PCLO: variants seen among roughly 807,000 people sequenced by gnomAD.
The protein encoded by PCLO is protein piccolo.
Under a neutral mutation model 427.5 loss-of-function variants are expected in PCLO, and 82 were observed. The observed-to-expected ratio is 0.19, with a 90% confidence interval of 0.16 to 0.23. PCLO has a LOEUF of 0.23. Ranked by LOEUF, PCLO falls within the 10% of genes least tolerant of loss-of-function variation. The pLI is 1.00. For missense variants in PCLO, 6,239 were observed against 6,115.9 expected (o/e 1.02, Z -0.67); for synonymous variants, 2,357 against 2,155.4 (o/e 1.09, Z -2.59).
At chr7:83,144,213 G>A (rs1355550397) in intron 2 of PCLO, among the ~76,000 whole-genome samples, 1 of 152,146 alleles carries the variant, frequency 6.6e-6, no homozygotes, top group South Asian at 2.1e-4. Flanking sequence ...CCAGGGGTCA[G>A]GAGTTCAAGA....
At chr7:82,972,593 T>G (rs1795930090) in intron 3 of PCLO, among the ~76,000 whole-genome samples, 1 of 152,040 alleles carries the variant, frequency 6.6e-6, no homozygotes, top group African/African-American at 2.4e-5. Context: ...AAAATTAAAT[T>G]TCATTAAAGG....
At chr7:82,780,282 T>C (rs1393283536) in intron 22 of PCLO, among the ~76,000 whole-genome samples, 1 of 152,218 alleles carries the variant, frequency 6.6e-6, no homozygotes, top group African/African-American at 2.4e-5. Flanking sequence ...CAAAATACAA[T>C]TGCCATTAAA....
At chr7:82,983,933 A>T (rs1796202648) in intron 3 of PCLO, among the ~76,000 whole-genome samples, 1 of 151,978 alleles carries the variant, frequency 6.6e-6, no homozygotes, top group South Asian at 2.1e-4. Flanking sequence ...GGCAGTTAGT[A>T]GGAAAATAAA....
At chr7:82,807,709 A>G (rs1419776222) in intron 20 of PCLO, among the ~76,000 whole-genome samples, 1 of 152,052 alleles carries the variant, frequency 6.6e-6, no homozygotes, top group Non-Finnish European at 1.5e-5. Flanking sequence ...AATAGGGAAC[A>G]AGAAAGAAAT....
At chr7:83,040,286 A>G (rs541316702) in intron 3 of PCLO, among the ~76,000 whole-genome samples, 1 of 152,210 alleles carries the variant, frequency 6.6e-6, no homozygotes, top group African/African-American at 2.4e-5. Context: ...TCTGTCCACA[A>G]TGTGAAACCT....
chr7:82,937,081 G>A (rs924689778), intron 6 of PCLO, among the ~76,000 whole-genome samples: 1 of 151,610 alleles, frequency 6.6e-6, no homozygotes. Context: ...AGGTAGTGGT[G>A]ATTGTACAAC....
chr7:83,006,001 G>A (rs1341594201), intron 3 of PCLO, among the ~76,000 whole-genome samples: 2 of 151,520 alleles, frequency 1.3e-5, no homozygotes, highest in African/African-American at 2.4e-5. Context: ...TTATGAATAG[G>A]TACACTTTTA....
chr7:82,849,773 T>C (rs1792601468), intron 10 of PCLO, among the ~76,000 whole-genome samples: 1 of 152,166 alleles, frequency 6.6e-6, no homozygotes, highest in Admixed American at 6.5e-5. Flanking sequence ...ATGTATCTTG[T>C]CATTTAATAG....
chr7:83,038,711 A>G (rs918977781), intron 3 of PCLO, among the ~76,000 whole-genome samples: 7 of 151,974 alleles, frequency 4.6e-5, no homozygotes, highest in Admixed American at 2.0e-4. Flanking sequence ...ATTTGTGTGA[A>G]CATGTTACTT....
intron 3 of PCLO, among the ~76,000 whole-genome samples, chr7:82,985,739 G>T (rs1307827703): frequency 2.0e-5 from 3 of 151,804 alleles, no homozygotes; most frequent in Non-Finnish European, 4.4e-5. Flanking sequence ...AATGTCTTTT[G>T]TTTTAAGAAT....
At chr7:82,936,561 T>C (rs1794957966) in intron 6 of PCLO, among the ~76,000 whole-genome samples, 1 of 151,612 alleles carries the variant, frequency 6.6e-6, no homozygotes, top group Non-Finnish European at 1.5e-5. Context: ...GCAACCCTTA[T>C]ACATTGCTGG....
Position 82,953,367 on chromosome 7 carries a change from A to T in PCLO, c.7586T>A (p.Ile2529Lys). 6.2e-7 allele frequency: 1 copy of T among 1,613,654 alleles called. No individual in the cohort carries two copies. Among genetic ancestry groups the T allele is most frequent in the Non-Finnish European group, 8.5e-7 (1 of 1,179,832 alleles). ...AGATAGGCCTGTTGGTTTGGGGTGTATATCTGTTGGTTTTTGTGTAGTTGT... is the reference window on the plus strand; with the variant it reads ...AGATAGGCCTGTTGGTTTGGGGTGTTTATCTGTTGGTTTTTGTGTAGTTGT... ...LPTTTQKPTD[I>K]HPKPTGLSLT... is the part of the protein sequence containing the mutation. Residue 2529 changes from isoleucine to lysine, a missense_variant, in exon 5 of 25, where the codon ATA becomes AAA. Coordinates refer to ENST00000333891, the MANE Select transcript of PCLO (RefSeq NM_033026.6).
chr7:82,929,317 TTAA>T lies in PCLO; in HGVS notation c.11113-12447_11113-12445del, dbSNP rs1220972306. ...ATACAACCTTATTAGAGAGGAACTATTAATTCCAGGTTTCAGATACTGAAATAT... is the reference window on the plus strand; with the variant it reads ...ATACAACCTTATTAGAGAGGAACTATTTCCAGGTTTCAGATACTGAAATAT... On this transcript the variant is annotated intron_variant, in intron 6 of 24. Transcript: ENST00000333891. Among the ~76,000 whole-genome samples, 12 of 152,274 alleles carry T rather than the reference TTAA, an allele frequency of 7.9e-5. No individual in the cohort carries two copies. In the East Asian group the frequency reaches 2.3e-3, roughly 29 times the overall value.
At chr7:83,146,007 T>A (rs752666619) in intron 2 of PCLO, among the ~76,000 whole-genome samples, 1 of 152,158 alleles carries the variant, frequency 6.6e-6, no homozygotes, top group Admixed American at 6.5e-5. Context: ...TCTTAATCTC[T>A]TTACCCATCT....
At position 82,916,543 on chromosome 7, in the gene PCLO, C is replaced by A. The variant is rs866380306; in HGVS notation, c.11443G>T (p.Glu3815Ter). Residue 3815 changes from glutamate (E) to a stop codon, truncating the protein, a stop_gained, in exon 7 of 25, where the codon GAG becomes TAG. Transcript: ENST00000333891. LOFTEE classifies it high-confidence loss of function. The stretch of plus-strand genomic sequence containing the variant: ...TAGGCTCGTTCTCTCTTTTCTCTCT[C>A]CTTTAATAGGGCCTCTTTCCTCCTG... Reference protein sequence around the residue: ...INRRKEALLKEREKRERAYLQ... With the variant: ...INRRKEALLK 1.2e-6 allele frequency: 2 copies of A among 1,613,680 alleles called. No homozygotes were observed. Among genetic ancestry groups the A allele is most frequent in the Non-Finnish European group, 1.7e-6 (2 of 1,179,730 alleles).
At chr7:82,922,590 GAGAGTGGGAGA>G (rs1303124212) in intron 6 of PCLO, among the ~76,000 whole-genome samples, 1 of 151,968 alleles carries the variant, frequency 6.6e-6, no homozygotes, top group Non-Finnish European at 1.5e-5. Context: ...TCTGAGGGTG[GAGAGTGGGAGA>G]AGAGTGGTGA....
chr7:83,123,759 G>C (rs10235296), intron 3 of PCLO, among the ~76,000 whole-genome samples: 74,527 of 151,724 alleles, frequency 0.49, 19,233 homozygotes, highest in East Asian at 0.69. Flanking sequence ...ACACAGAGCT[G>C]AAACAAATCC....
chr7:82,980,720 A>G (rs1269696113), intron 3 of PCLO, among the ~76,000 whole-genome samples: 1 of 152,168 alleles, frequency 6.6e-6, no homozygotes, highest in African/African-American at 2.4e-5. Context: ...AAGCTTGTAT[A>G]GATGACTATG....
rs1272346845 is a variant in PCLO at position 82,757,978 on chromosome 7, T to C, written c.*597A>G. ...TGTAACATTTAGACACAGAGAAAAC[T>C]GGTAAAATATGGCCTGAAAGCCACA... On this transcript the variant is annotated 3_prime_UTR_variant, in exon 25 of 25. Transcript: ENST00000333891. 6.6e-6 allele frequency: 1 copy of C among 152,004 alleles called. No individual in the cohort carries two copies. The highest frequency in any genetic ancestry group is 1.5e-5 in the Non-Finnish European group (1 of 67,938). 9.4% of individuals were successfully genotyped at this position (152,004 alleles called of 1,614,324 possible). A position where few individuals can be genotyped will look rare whatever the true frequency, so the allele number is the denominator to read the frequency against.
Sources: gnomAD v4.1 joint callset for allele counts (sites outside exome capture counted in the v4.1 genomes callset) on GRCh38, gnomAD v4.1.1 for gene constraint, MANE v1.5 for transcripts, NCBI Gene and HGNC (gene_info 2026-07-23, HGNC 2026-07-21) for gene names.